The following RPL41 variants were observed in gnomAD, a reference collection of about 807,000 sequenced individuals.
RPL41 encodes small ribosomal subunit protein eS32.
RPL41 carries 3 observed loss-of-function variants against 7.3 expected under a neutral mutation model. That is an observed-to-expected ratio of 0.41 (90% CI 0.19 to 1.06). The LOEUF (loss-of-function observed/expected upper bound fraction) is 1.06. Among genes scored for constraint, RPL41 ranks in the 50% least tolerant of loss-of-function variants. The pLI is 0.32. For missense variants in RPL41, 13 were observed against 30.4 expected, an observed-to-expected ratio of 0.43 and a Z score of 1.35; for synonymous variants, 9 against 7.4, an observed-to-expected ratio of 1.21 and a Z score of -0.34.
chr12:56,117,070 T>G, intron 1 of RPL41, 119 bp from the exon 2 acceptor site: 1 of 1,391,874 alleles, frequency 7.2e-7, no homozygotes, highest in Non-Finnish European at 9.7e-7. Context: ...TACTTCTTGG[T>G]TAAGAATCTG....
chr12:56,117,681 G>A lies in RPL41; in HGVS notation c.*157G>A, dbSNP rs1869662774. The A allele has an allele frequency of 1.5e-6, 1 of 661,206 alleles. No individual in the cohort carries two copies. Among genetic ancestry groups the A allele is most frequent in the African/African-American group, 1.8e-5 (1 of 56,078 alleles). 41.0% of individuals were successfully genotyped at this position (661,206 alleles called of 1,614,324 possible). Reference sequence around the variant, plus strand: ...CGCCCTCTGATCGCCGATCACCTCTGAGACCCACCTTGCTCATAAACAAAA... The same window carrying A: ...CGCCCTCTGATCGCCGATCACCTCTAAGACCCACCTTGCTCATAAACAAAA... On this transcript the variant is annotated 3_prime_UTR_variant, in exon 3 of 3. Transcript: ENST00000546591.
In RPL41 at chr12:56,116,740, C is replaced by T; in HGVS notation, c.-48C>T. ...ACCTCGGCACTTAGCATCATCACAGCAAACTAACTGTAGCCTTTCTCTCTT... is the reference window on the plus strand; with the variant it reads ...ACCTCGGCACTTAGCATCATCACAGTAAACTAACTGTAGCCTTTCTCTCTT... On this transcript the variant is annotated 5_prime_UTR_variant, in exon 1 of 3. Coordinates refer to ENST00000546591, the MANE Select transcript of RPL41 (RefSeq NM_001035267.2). 1 of 1,612,348 alleles carries T rather than the reference C, an allele frequency of 6.2e-7. No homozygotes were observed. Among genetic ancestry groups the T allele is most frequent in the Non-Finnish European group, 8.5e-7 (1 of 1,178,360 alleles).
In RPL41 at chr12:56,117,728, C is replaced by T. The variant is rs1319178732; in HGVS notation, c.*204C>T. The T allele has an allele frequency of 1.7e-6, 1 of 585,288 alleles. No individual in the cohort carries two copies. Among genetic ancestry groups the T allele is most frequent in the African/African-American group, 1.9e-5 (1 of 53,742 alleles). The allele number at this position is 585,288 out of a possible 1,614,324, so 36.3% of individuals were successfully genotyped here. A position where few individuals can be genotyped will look rare whatever the true frequency, so the allele number is the denominator to read the frequency against. On this transcript the variant is annotated 3_prime_UTR_variant, in exon 3 of 3. Transcript: ENST00000546591. Reference sequence around the variant, plus strand: ...AAAATGCCCATGTTGGTCCTCTGCCCTGGACCTGTGACATTCTGGACTATT... The same window carrying T: ...AAAATGCCCATGTTGGTCCTCTGCCTTGGACCTGTGACATTCTGGACTATT...
In RPL41 at chr12:56,116,671, T is replaced by G; in HGVS notation, c.-117T>G. 1 of 1,300,892 alleles carries G rather than the reference T, an allele frequency of 7.7e-7. No homozygotes were observed. The highest frequency in any genetic ancestry group is 1.2e-5 in the South Asian group (1 of 84,344). The allele number at this position is 1,300,892 out of a possible 1,614,324, so 80.6% of individuals were successfully genotyped here. A position where few individuals can be genotyped will look rare whatever the true frequency, so the allele number is the denominator to read the frequency against. On this transcript the variant is annotated 5_prime_UTR_variant, in exon 1 of 3. Transcript: ENST00000546591. ...CGCCATTTTTTTGGGTGAGTGTTTT[T>G]TGGTTCCTGCGTTGGGATTCCGTGT...
intron 1 of RPL41, 112 bp downstream of exon 1, chr12:56,116,911 G>A: frequency 7.3e-7 from 1 of 1,369,682 alleles, no homozygotes; most frequent in South Asian, 1.2e-5. Flanking sequence ...GGGTGCCCAA[G>A]AGCTGGTGGG....
At chr12:56,116,853 A>G (rs1689512) in intron 1 of RPL41, 54 bp downstream of exon 1, 217,267 of 1,608,242 alleles carry the variant, frequency 0.14, 18,739 homozygotes, top group African/African-American at 0.43. Context: ...AGTAGTAGCG[A>G]GGAGACGAAG....
chr12:56,116,646 C>A lies in RPL41; in HGVS notation c.-142C>A, dbSNP rs1869603856. 2.0e-6 allele frequency: 2 copies of A among 1,018,630 alleles called. No individual in the cohort carries two copies. Among genetic ancestry groups the A allele is most frequent in the Non-Finnish European group, 1.5e-6 (1 of 645,484 alleles). 63.1% of individuals were successfully genotyped at this position (1,018,630 alleles called of 1,614,324 possible). A position where few individuals can be genotyped will look rare whatever the true frequency, so the allele number is the denominator to read the frequency against. ...AACTTCGCCTTTCTCTCGGCCTTAG[C>A]GCCATTTTTTTGGGTGAGTGTTTTT... On this transcript the variant is annotated 5_prime_UTR_variant, in exon 1 of 3. Coordinates refer to ENST00000546591, the MANE Select transcript of RPL41 (RefSeq NM_001035267.2).
In RPL41 at chr12:56,117,764, T is replaced by G. The variant is rs1190917604; in HGVS notation, c.*240T>G. 1.9e-6 allele frequency: 1 copy of G among 534,432 alleles called. No homozygotes were observed. Among genetic ancestry groups the G allele is most frequent in the Non-Finnish European group, 3.4e-6 (1 of 294,648 alleles). The allele number at this position is 534,432 out of a possible 1,614,324, so 33.1% of individuals were successfully genotyped here. A position where few individuals can be genotyped will look rare whatever the true frequency, so the allele number is the denominator to read the frequency against. On this transcript the variant is annotated 3_prime_UTR_variant, in exon 3 of 3. Coordinates refer to ENST00000546591, the MANE Select transcript of RPL41 (RefSeq NM_001035267.2). ...ACATTCTGGACTATTTCTGTGTTTA[T>G]TTGTGGCCGAGTGTAACAACCATAT... is the stretch of plus-strand genomic sequence containing the variant.
rs1205536593 is a variant in RPL41 at position 56,117,834 on chromosome 12, C to T, written c.*310C>T. ...TGTTTTAGCTGAAGAATTAAATCAT[C>T]TTGTCTATTATGTTTTTTATGGTTC... On this transcript the variant is annotated 3_prime_UTR_variant, in exon 3 of 3. Coordinates refer to ENST00000546591, the MANE Select transcript of RPL41 (RefSeq NM_001035267.2). 2.5e-6 allele frequency: 1 copy of T among 406,862 alleles called. No homozygotes were observed. Among genetic ancestry groups the T allele is most frequent in the East Asian group, 5.6e-5 (1 of 17,888 alleles). The allele number at this position is 406,862 out of a possible 1,614,324, so 25.2% of individuals were successfully genotyped here.
Position 56,117,752 on chromosome 12 carries a change from T to C in RPL41, c.*228T>C. ...CCTGGACCTGTGACATTCTGGACTA[T>C]TTCTGTGTTTATTTGTGGCCGAGTG... On this transcript the variant is annotated 3_prime_UTR_variant, in exon 3 of 3. Coordinates refer to ENST00000546591, the MANE Select transcript of RPL41 (RefSeq NM_001035267.2). 5 of 551,424 alleles carry C rather than the reference T, an allele frequency of 9.1e-6. No individual in the cohort carries two copies. Among genetic ancestry groups the C allele is most frequent in the Non-Finnish European group, 1.6e-5 (5 of 305,112 alleles). 34.2% of individuals were successfully genotyped at this position (551,424 alleles called of 1,614,324 possible).
Position 56,117,728 on chromosome 12 carries a change from C to G in RPL41, c.*204C>G. On this transcript the variant is annotated 3_prime_UTR_variant, in exon 3 of 3. Coordinates refer to ENST00000546591, the MANE Select transcript of RPL41 (RefSeq NM_001035267.2). The stretch of plus-strand genomic sequence containing the variant: ...AAAATGCCCATGTTGGTCCTCTGCC[C>G]TGGACCTGTGACATTCTGGACTATT... 5.1e-6 allele frequency: 3 copies of G among 585,406 alleles called. No individual in the cohort carries two copies. Among genetic ancestry groups the G allele is most frequent in the Non-Finnish European group, 9.2e-6 (3 of 324,490 alleles). The allele number at this position is 585,406 out of a possible 1,614,324, so 36.3% of individuals were successfully genotyped here.
In RPL41 at chr12:56,116,708, A is replaced by C. The variant is rs1353491970; in HGVS notation, c.-80A>C. ...TTGGGATTCCGTGTACAATCCATAG[A>C]CATCTGACCTCGGCACTTAGCATCA... On this transcript the variant is annotated 5_prime_UTR_variant, in exon 1 of 3. Transcript: ENST00000546591. 1 of 1,524,308 alleles carries C rather than the reference A, an allele frequency of 6.6e-7. No individual in the cohort carries two copies. The highest frequency in any genetic ancestry group is 9.1e-7 in the Non-Finnish European group (1 of 1,098,112). 94.4% of individuals were successfully genotyped at this position (1,524,308 alleles called of 1,614,324 possible).
Position 56,117,772 on chromosome 12 carries a change from C to G in RPL41, c.*248C>G. The G allele has an allele frequency of 5.8e-6, 3 of 517,566 alleles. No homozygotes were observed. The South Asian group carries it at 6.0e-5, about 10-fold the overall frequency. The allele number at this position is 517,566 out of a possible 1,614,324, so 32.1% of individuals were successfully genotyped here. A position where few individuals can be genotyped will look rare whatever the true frequency, so the allele number is the denominator to read the frequency against. On this transcript the variant is annotated 3_prime_UTR_variant, in exon 3 of 3. Transcript: ENST00000546591. ...GACTATTTCTGTGTTTATTTGTGGC[C>G]GAGTGTAACAACCATATAATAAATC...
intron 2 of RPL41, 114 bp from the exon 3 acceptor site, chr12:56,117,368 C>G: frequency 1.4e-6 from 2 of 1,405,364 alleles, no homozygotes; most frequent in Non-Finnish European, 9.9e-7. Context: ...AACGATAGAA[C>G]CGTAGTGCTT....
chr12:56,116,702 C>A lies in RPL41; in HGVS notation c.-86C>A, dbSNP rs1022995432. ...CCTGCGTTGGGATTCCGTGTACAAT[C>A]CATAGACATCTGACCTCGGCACTTA... On this transcript the variant is annotated 5_prime_UTR_variant, in exon 1 of 3. Transcript: ENST00000546591. The A allele has an allele frequency of 2.0e-6, 3 of 1,500,376 alleles. No homozygotes were observed. The African/African-American group carries it at 4.1e-5, about 21-fold the overall frequency. 92.9% of individuals were successfully genotyped at this position (1,500,376 alleles called of 1,614,324 possible).
chr12:56,117,227 G>A lies in RPL41; in HGVS notation c.35+16G>A. On this transcript the variant is annotated intron_variant, in intron 2 of 2. Coordinates refer to ENST00000546591, the MANE Select transcript of RPL41 (RefSeq NM_001035267.2). ...GAATGCGCAGGTACGTTGAGACTTT[G>A]CCAGCCCAGGAGGAGGGAAGTTCCT... The A allele has an allele frequency of 6.3e-7, 1 of 1,597,082 alleles. No individual in the cohort carries two copies. Among genetic ancestry groups the A allele is most frequent in the Non-Finnish European group, 8.5e-7 (1 of 1,175,628 alleles).
chr12:56,116,908 C>G (rs1430917567), intron 1 of RPL41, 109 bp downstream of exon 1: 15 of 1,420,624 alleles, frequency 1.1e-5, no homozygotes, highest in Non-Finnish European at 1.4e-5. Flanking sequence ...CAAGGGTGCC[C>G]AAGAGCTGGT....
intron 2 of RPL41, 62 bp downstream of exon 2, chr12:56,117,273 C>T: frequency 1.3e-6 from 2 of 1,565,308 alleles, no homozygotes; most frequent in Non-Finnish European, 8.6e-7. Flanking sequence ...TTAGGAGAAA[C>T]ATTTGGTTTG....
chr12:56,117,375 G>A (rs1227460792), intron 2 of RPL41, 107 bp from the exon 3 acceptor site: 3 of 1,419,822 alleles, frequency 2.1e-6, no homozygotes, highest in African/African-American at 1.4e-5. Flanking sequence ...GAACCGTAGT[G>A]CTTGTTCATT....
Sources: gnomAD v4.1 joint callset for allele counts on GRCh38, gnomAD v4.1.1 for gene constraint, MANE v1.5 for transcripts, NCBI Gene and HGNC (gene_info 2026-07-23, HGNC 2026-07-21) for gene names.